BBX: variants seen among roughly 807,000 people sequenced by gnomAD.
BBX encodes HMG box transcription factor BBX.
In BBX, 30 loss-of-function variants were observed where a neutral mutation model predicts 100.2. The observed-to-expected ratio is 0.30, with a 90% CI of 0.22 to 0.41. BBX has a LOEUF of 0.41. BBX is among the 10% of genes least tolerant of loss of function. The pLI is 1.00. For missense variants in BBX, 1,023 were observed against 1,129.8 expected (o/e 0.91, Z 1.35); for synonymous variants, 376 against 388.1 (o/e 0.97, Z 0.37).
intron 10 of BBX, among the ~76,000 whole-genome samples, chr3:107,757,150 CT>C (rs1369699749): frequency 1.3e-5 from 2 of 151,958 alleles, no homozygotes; most frequent in Admixed American, 1.3e-4. Flanking sequence ...TTAAACAATA[CT>C]AAAATGTAAA....
At chr3:107,671,569 A>G (rs562179678) in intron 3 of BBX, among the ~76,000 whole-genome samples, 2 of 152,248 alleles carry the variant, frequency 1.3e-5, no homozygotes, top group East Asian at 3.9e-4. Context: ...AATTAAGTGA[A>G]TGCTTTAGTT....
chr3:107,577,252 AT>A (rs1382303359), intron 2 of BBX, among the ~76,000 whole-genome samples: 1 of 152,178 alleles, frequency 6.6e-6, no homozygotes, highest in African/African-American at 2.4e-5. Context: ...GATCGCTGAT[AT>A]GCCTGCTCTT....
intron 15 of BBX, among the ~76,000 whole-genome samples, chr3:107,791,868 G>A (rs1190909870): frequency 2.0e-5 from 3 of 152,178 alleles, no homozygotes; most frequent in African/African-American, 7.2e-5. Context: ...GGCTGTGATA[G>A]CGCATGCCTG....
At chr3:107,657,819 A>G (rs963836012) in intron 3 of BBX, among the ~76,000 whole-genome samples, 1 of 151,994 alleles carries the variant, frequency 6.6e-6, no homozygotes, top group Non-Finnish European at 1.5e-5. Flanking sequence ...TAGAAGAGAG[A>G]GGTAAGAGCT....
chr3:107,667,000 G>A (rs906388370), intron 3 of BBX, among the ~76,000 whole-genome samples: 5 of 152,228 alleles, frequency 3.3e-5, no homozygotes, highest in Non-Finnish European at 7.3e-5. Context: ...CTATCTGTGA[G>A]AATTCACCCC....
At chr3:107,597,271 T>C (rs1389134334) in intron 2 of BBX, among the ~76,000 whole-genome samples, 1 of 152,200 alleles carries the variant, frequency 6.6e-6, no homozygotes, top group Non-Finnish European at 1.5e-5. Flanking sequence ...TATTGTTATG[T>C]TTAAAAATCT....
intron 2 of BBX, among the ~76,000 whole-genome samples, chr3:107,565,463 A>ATTTATTTT (rs1374085420): frequency 6.8e-6 from 1 of 147,138 alleles, no homozygotes; most frequent in Non-Finnish European, 1.5e-5. Flanking sequence ...TTATTTATTT[A>ATTTATTTT]TTTATTTATT....
chr3:107,630,769 C>G (rs548673725), intron 2 of BBX, among the ~76,000 whole-genome samples: 3 of 152,282 alleles, frequency 2.0e-5, no homozygotes, highest in African/African-American at 7.2e-5. Flanking sequence ...GGATGGGGTA[C>G]TTGAGGATTA....
At chr3:107,595,646 C>T (rs1259772559) in intron 2 of BBX, among the ~76,000 whole-genome samples, 2 of 152,184 alleles carry the variant, frequency 1.3e-5, no homozygotes, top group African/African-American at 4.8e-5. Context: ...CTTTCTGTGA[C>T]TCTTGTTATG....
At chr3:107,577,709 G>A (rs2051901728) in intron 2 of BBX, among the ~76,000 whole-genome samples, 2 of 152,084 alleles carry the variant, frequency 1.3e-5, no homozygotes, top group African/African-American at 2.4e-5. Context: ...TGCAGTAATC[G>A]TAAATGAAAA....
chr3:107,655,183 C>T lies in BBX; in HGVS notation c.-10+9274C>T, dbSNP rs187887737. ...TGGATTTCTTAAAATATTTTCTGTA[C>T]AATTCTAAGTGATAGAAGTTTGATT... On this transcript the variant is annotated intron_variant, in intron 3 of 17. Coordinates refer to ENST00000325805, the MANE Select transcript of BBX (RefSeq NM_001142568.3). Among the ~76,000 whole-genome samples the T allele has an allele frequency of 3.1e-3, 479 of 152,182 alleles. 2 individuals carry two copies. Among genetic ancestry groups the T allele is most frequent in the Non-Finnish European group, 5.2e-3 (356 of 67,994 alleles).
At chr3:107,707,287 GCA>G (rs2061448465) in intron 3 of BBX, among the ~76,000 whole-genome samples, 2 of 152,178 alleles carry the variant, frequency 1.3e-5, no homozygotes, top group Admixed American at 6.5e-5. Flanking sequence ...TCTGAGCTGT[GCA>G]CAGTTTTCAA....
intron 10 of BBX, among the ~76,000 whole-genome samples, chr3:107,757,737 A>G (rs768703411): frequency 4.6e-5 from 7 of 152,210 alleles, no homozygotes; most frequent in Non-Finnish European, 7.3e-5. Context: ...TTGCATGTGT[A>G]CTTGATATTC....
chr3:107,737,440 A>G (rs1307005799), intron 7 of BBX, among the ~76,000 whole-genome samples: 1 of 152,164 alleles, frequency 6.6e-6, no homozygotes, highest in Non-Finnish European at 1.5e-5. Flanking sequence ...AAATCAGTAT[A>G]GGAAGTCCAA....
chr3:107,691,132 C>T (rs973172109), intron 3 of BBX, among the ~76,000 whole-genome samples: 1 of 151,870 alleles, frequency 6.6e-6, no homozygotes, highest in Non-Finnish European at 1.5e-5. Flanking sequence ...GTCTCAAACC[C>T]CTAGGCTCAA....
At chr3:107,660,462 A>G (rs2058385472) in intron 3 of BBX, among the ~76,000 whole-genome samples, 1 of 149,770 alleles carries the variant, frequency 6.7e-6, no homozygotes. Context: ...AAAAGAAGCC[A>G]TCATGTAATT....
At chr3:107,599,959 C>T (rs2053949408) in intron 2 of BBX, among the ~76,000 whole-genome samples, 1 of 152,090 alleles carries the variant, frequency 6.6e-6, no homozygotes, top group Admixed American at 6.5e-5. Flanking sequence ...GCTTCAGATT[C>T]ATGAGGAGCT....
At chr3:107,530,156 C>T (rs1178197974) in intron 2 of BBX, among the ~76,000 whole-genome samples, 1 of 152,112 alleles carries the variant, frequency 6.6e-6, no homozygotes, top group Non-Finnish European at 1.5e-5. Flanking sequence ...CTTCGGGAGG[C>T]GGAAGCAAGT....
intron 7 of BBX, among the ~76,000 whole-genome samples, chr3:107,735,805 CTT>C (rs895333183): frequency 9.9e-5 from 15 of 151,824 alleles, no homozygotes; most frequent in Non-Finnish European, 1.9e-4. Context: ...TGTGTATTCT[CTT>C]TTTTTCTGTC....
Sources: allele counts gnomAD v4.1 joint callset (sites outside exome capture counted in the v4.1 genomes callset), GRCh38; gene constraint gnomAD v4.1.1; transcripts MANE v1.5; gene names NCBI Gene and HGNC (gene_info 2026-07-23, HGNC 2026-07-21).